PATL2: variants seen among roughly 807,000 people sequenced by gnomAD.
PATL2 encodes the protein PAT1 homolog 2.
Under a neutral mutation model 77.0 loss-of-function variants are expected in PATL2, and 73 were observed. That is an observed-to-expected ratio of 0.95 (90% CI 0.78 to 1.15). The LOEUF is 1.15. PATL2 is among the 50% of genes most tolerant of loss of function. PATL2 has a pLI of 0.00. For synonymous variants in PATL2, 265 were observed against 257.1 expected, an observed-to-expected ratio of 1.03 and a Z score of -0.29; for missense variants, 618 against 655.4, an observed-to-expected ratio of 0.94 and a Z score of 0.62.
rs769483274 is a variant in PATL2, at chr15:44,669,182, G to A, written c.1065-43C>T. On this transcript the variant is annotated intron_variant, in intron 13 of 17. Coordinates refer to ENST00000682850, the MANE Select transcript of PATL2 (RefSeq NM_001387263.1). ...GAACATTTTCAGAGCTCTGCATAGA[G>A]GAGAGGGCTACATGCCACAAAGGAG... The A allele has an allele frequency of 1.2e-3, 1,803 of 1,522,242 alleles. 3 individuals are homozygous for A. Among genetic ancestry groups the A allele is most frequent in the Non-Finnish European group, 1.5e-3 (1,669 of 1,127,826 alleles). 94.3% of individuals were successfully genotyped at this position (1,522,242 alleles called of 1,614,324 possible).
intron 3 of PATL2, among the ~76,000 whole-genome samples, chr15:44,705,997 A>T (rs2141273352): frequency 6.6e-6 from 1 of 152,086 alleles, no homozygotes; most frequent in African/African-American, 2.4e-5. Context: ...ATAGGGTTTC[A>T]CCATGTTGGC....
intron 9 of PATL2, 106 bp from the exon 10 acceptor site, chr15:44,670,193 G>T (rs977521146): frequency 1.7e-5 from 24 of 1,427,150 alleles, no homozygotes; most frequent in South Asian, 4.2e-5. Context: ...TAGTTTTTTT[G>T]TGTGTGTTAT....
chr15:44,670,469 C>T (rs1275310122), intron 9 of PATL2, among the ~76,000 whole-genome samples: 5 of 152,142 alleles, frequency 3.3e-5, no homozygotes, highest in South Asian at 2.1e-4. Flanking sequence ...GCTGGGATTA[C>T]AGGCGAGCCA....
chr15:44,697,899 T>A (rs1047087437), intron 3 of PATL2, among the ~76,000 whole-genome samples: 16 of 151,992 alleles, frequency 1.1e-4, no homozygotes, highest in African/African-American at 3.9e-4. Context: ...CCCACTTTTT[T>A]TTTATTATTA....
At chr15:44,696,564 T>C (rs1411350225) in intron 3 of PATL2, among the ~76,000 whole-genome samples, 1 of 152,206 alleles carries the variant, frequency 6.6e-6, no homozygotes, top group East Asian at 1.9e-4. Flanking sequence ...CACACAAGCC[T>C]GTGGGACAGG....
intron 3 of PATL2, among the ~76,000 whole-genome samples, chr15:44,698,231 C>T (rs2086553900): frequency 6.6e-6 from 1 of 151,906 alleles, no homozygotes. Context: ...AAGCATTTAT[C>T]CTTTCTTTGT....
In PATL2 at chr15:44,667,238, G is replaced by A. The variant is rs748121988; in HGVS notation, c.1366-35C>T. The A allele has an allele frequency of 1.5e-5, 22 of 1,464,054 alleles. No homozygotes were observed. In the East Asian group the frequency reaches 5.2e-4, roughly 35 times the overall value. 90.7% of individuals were successfully genotyped at this position (1,464,054 alleles called of 1,614,324 possible). A position where few individuals can be genotyped will look rare whatever the true frequency, so the allele number is the denominator to read the frequency against. ...ACATATATATATTCCAGAGCAAAAT[G>A]AGTTCACACTCGGCATTTGGTGCTT... On this transcript the variant is annotated intron_variant, in intron 15 of 17. Transcript: ENST00000682850.
At chr15:44,667,711 G>A (rs1470404024) in intron 15 of PATL2, among the ~76,000 whole-genome samples, 1 of 152,216 alleles carries the variant, frequency 6.6e-6, no homozygotes, top group Non-Finnish European at 1.5e-5. Context: ...GGGAGGCCGA[G>A]GCAGGCGAAT....
chr15:44,670,647 TACC>T (rs2085627500), intron 9 of PATL2, among the ~76,000 whole-genome samples: 1 of 152,192 alleles, frequency 6.6e-6, no homozygotes, highest in African/African-American at 2.4e-5. Context: ...AAAGACCAGA[TACC>T]ACCACCAAGT....
chr15:44,703,003 C>T (rs368913797), intron 3 of PATL2, among the ~76,000 whole-genome samples: 23 of 152,194 alleles, frequency 1.5e-4, no homozygotes, highest in East Asian at 9.6e-4. Context: ...TGGCCAGGCA[C>T]GGTGGCTCAT....
intron 5 of PATL2, 187 bp from the exon 6 acceptor site, chr15:44,674,417 A>T (rs2085847351): frequency 1.5e-5 from 9 of 590,644 alleles, no homozygotes; most frequent in Non-Finnish European, 2.7e-5. Context: ...CTCTCCTGGG[A>T]GGAATAAGAC....
In PATL2 at chr15:44,669,205, G is replaced by C. The variant is rs1223324883; in HGVS notation, c.1065-66C>G. On this transcript the variant is annotated intron_variant, in intron 13 of 17. Coordinates refer to ENST00000682850, the MANE Select transcript of PATL2 (RefSeq NM_001387263.1). ...GAGGAGAGGGCTACATGCCACAAAGGAGAGGCAGAAGCAAGACCAGTGTCT... is the reference window on the plus strand; with the variant it reads ...GAGGAGAGGGCTACATGCCACAAAGCAGAGGCAGAAGCAAGACCAGTGTCT... 2.6e-6 allele frequency: 4 copies of C among 1,524,952 alleles called. No homozygotes were observed. The African/African-American group carries it at 5.5e-5, about 21-fold the overall frequency. 94.5% of individuals were successfully genotyped at this position (1,524,952 alleles called of 1,614,324 possible).
chr15:44,666,889 G>T, intron 16 of PATL2: 1 of 524,616 alleles, frequency 1.9e-6, no homozygotes. Context: ...AAAATCTAAA[G>T]CTTGTCCCCT....
chr15:44,675,790 C>T, intron 4 of PATL2, 99 bp from the exon 5 acceptor site: 1 of 1,013,736 alleles, frequency 9.9e-7, no homozygotes, highest in South Asian at 1.7e-5. Context: ...GTTCATAAGC[C>T]ATCTCCAGCA....
chr15:44,673,683 T>C, intron 6 of PATL2, among the ~76,000 whole-genome samples: 1 of 152,310 alleles, frequency 6.6e-6, no homozygotes, highest in Non-Finnish European at 1.5e-5. Flanking sequence ...TCTTGGGCTG[T>C]CTTCAGCCGC....
intron 3 of PATL2, among the ~76,000 whole-genome samples, chr15:44,678,421 T>G (rs1039144025): frequency 6.6e-6 from 1 of 152,190 alleles, no homozygotes; most frequent in Non-Finnish European, 1.5e-5. Context: ...TGTTTGGAGT[T>G]TCACTTGGGA....
chr15:44,688,269 AAATAAT>A (rs1195237181), intron 3 of PATL2, among the ~76,000 whole-genome samples: 1 of 150,948 alleles, frequency 6.6e-6, no homozygotes, highest in Non-Finnish European at 1.5e-5. Flanking sequence ...AAAACTAGCT[AAATAAT>A]AATAATAATA....
intron 3 of PATL2, among the ~76,000 whole-genome samples, chr15:44,684,662 GA>G (rs1177207335): frequency 6.6e-6 from 1 of 152,118 alleles, no homozygotes; most frequent in Non-Finnish European, 1.5e-5. Context: ...AAACAAGCTG[GA>G]AAACACTCTT....
At chr15:44,666,762 A>G in intron 16 of PATL2, 1 of 541,370 alleles carries the variant, frequency 1.8e-6, no homozygotes, top group Non-Finnish European at 3.2e-6. Flanking sequence ...GGTTAATACC[A>G]TCATCCCTAG....
Sources: allele counts gnomAD v4.1 joint callset (sites outside exome capture counted in the v4.1 genomes callset), GRCh38; gene constraint gnomAD v4.1.1; transcripts MANE v1.5; gene names NCBI Gene and HGNC (gene_info 2026-07-23, HGNC 2026-07-21).